The following PGAP4 variants were observed in gnomAD, a reference collection of about 807,000 sequenced individuals.
PGAP4 encodes GPI-N-acetylgalactosamine transferase PGAP4.
PGAP4 carries 12 observed loss-of-function variants against 28.2 expected under a neutral mutation model. The ratio of observed to expected loss-of-function variants is 0.42; its 90% CI spans 0.27 to 0.69. The LOEUF (loss-of-function observed/expected upper bound fraction) is 0.69, where lower values mean the gene tolerates loss of function less well. PGAP4 is among the 30% of genes least tolerant of loss of function. The probability of loss-of-function intolerance (pLI) is 0.22; values close to 1 mark genes in which losing one functional copy is unlikely to be tolerated. For missense variants in PGAP4, 425 were observed against 513.5 expected (o/e 0.83, Z 1.67); for synonymous variants, 205 against 211.8 (o/e 0.97, Z 0.28).
chr9:101,498,819 T>C (rs1397396743), intron 2 of PGAP4, among the ~76,000 whole-genome samples: 2 of 152,044 alleles, frequency 1.3e-5, no homozygotes, highest in African/African-American at 4.8e-5. Flanking sequence ...ATTGGTGTTT[T>C]AGATGGTGGT....
At position 101,473,883 on chromosome 9, in the gene PGAP4, G is replaced by C. The variant is rs1386435984; in HGVS notation, c.*1998C>G. The C allele has an allele frequency of 6.6e-6, 1 of 152,180 alleles. No individual in the cohort carries two copies. Among genetic ancestry groups the C allele is most frequent in the African/African-American group, 2.4e-5 (1 of 41,414 alleles). The allele number at this position is 152,180 out of a possible 1,614,324, so 9.4% of individuals were successfully genotyped here. On this transcript the variant is annotated 3_prime_UTR_variant, in exon 2 of 2. Coordinates refer to ENST00000374848, the MANE Select transcript of PGAP4 (RefSeq NM_032342.3). ...TGAGAGAGGAGGAATGAAGGAGTGG[G>C]ATCTGAACATTGTAATAAGTCATCT...
chr9:101,524,373 T>G (rs1038334793), intron 2 of PGAP4, among the ~76,000 whole-genome samples: 2 of 152,066 alleles, frequency 1.3e-5, no homozygotes, highest in African/African-American at 2.4e-5. Flanking sequence ...GAGGGCTATA[T>G]GGCTTGAAAA....
At chr9:101,503,052 C>T (rs1826816975) in intron 2 of PGAP4, among the ~76,000 whole-genome samples, 1 of 151,998 alleles carries the variant, frequency 6.6e-6, no homozygotes, top group African/African-American at 2.4e-5. Flanking sequence ...GATTCTAGAG[C>T]AGTGTGCCCA....
chr9:101,509,274 G>C (rs140429322), intron 2 of PGAP4, among the ~76,000 whole-genome samples: 1 of 152,252 alleles, frequency 6.6e-6, no homozygotes, highest in East Asian at 1.9e-4. Context: ...TTTGAAACAT[G>C]TCAGAAATCC....
chr9:101,495,564 A>T (rs1194809596), intron 2 of PGAP4, among the ~76,000 whole-genome samples: 2 of 146,712 alleles, frequency 1.4e-5, no homozygotes, highest in Non-Finnish European at 3.0e-5. Flanking sequence ...ACCTAGGGAA[A>T]CCTACCAAAG....
Position 101,511,208 on chromosome 9 carries a change from T to C in PGAP4, c.-165+20140A>G, listed in dbSNP as rs372839700. Reference sequence around the variant, plus strand: ...GGTAGAGCTCAAGTGGTAATACAAGTGATGGGGAGTGGCTTTAAATACAGA... The same window carrying C: ...GGTAGAGCTCAAGTGGTAATACAAGCGATGGGGAGTGGCTTTAAATACAGA... On this transcript the variant is annotated intron_variant, in intron 2 of 3. Coordinates refer to the PGAP4 transcript ENST00000374851. 2.6e-5 allele frequency among the ~76,000 whole-genome samples: 4 copies of C among 152,194 alleles called. No homozygotes were observed. The East Asian group carries it at 7.8e-4, about 30-fold the overall frequency.
chr9:101,495,087 A>G (rs1214899420), intron 2 of PGAP4, among the ~76,000 whole-genome samples: 1 of 137,148 alleles, frequency 7.3e-6, no homozygotes, highest in Non-Finnish European at 1.5e-5. Context: ...TTATTATTTG[A>G]CAATGTCTTT....
At chr9:101,498,027 G>C (rs1826766954) in intron 2 of PGAP4, among the ~76,000 whole-genome samples, 1 of 151,878 alleles carries the variant, frequency 6.6e-6, no homozygotes, top group Non-Finnish European at 1.5e-5. Flanking sequence ...CTGTTTATAT[G>C]GCTAAACCTT....
rs1004668590 is a variant in PGAP4, at chr9:101,517,812, C to G, written c.-165+13536G>C. On this transcript the variant is annotated intron_variant, in intron 2 of 3. Transcript: ENST00000374851. ...TTAAGCCAGACTCTATTTAGCTTCT[C>G]TTTTGTAAGGGTTTGGGTTGTCTTT... Among the ~76,000 whole-genome samples, 6 of 152,244 alleles carry G rather than the reference C, an allele frequency of 3.9e-5. No homozygotes were observed. The East Asian group carries it at 5.8e-4, about 15-fold the overall frequency.
rs976059404 is a variant in PGAP4 at position 101,473,467 on chromosome 9, T to C, written c.*2414A>G. 1 of 152,144 alleles carries C rather than the reference T, an allele frequency of 6.6e-6. No individual in the cohort carries two copies. The highest frequency in any genetic ancestry group is 1.5e-5 in the Non-Finnish European group (1 of 68,040). 9.4% of individuals were successfully genotyped at this position (152,144 alleles called of 1,614,324 possible). On this transcript the variant is annotated 3_prime_UTR_variant, in exon 2 of 2. Coordinates refer to ENST00000374848, the MANE Select transcript of PGAP4 (RefSeq NM_032342.3). ...CTCCTTATAAGAATAAGGGATTAAA[T>C]GGAGGAAGATCTAGAAGTGGGTGGG...
At chr9:101,500,819 T>C (rs1194936807) in intron 2 of PGAP4, among the ~76,000 whole-genome samples, 1 of 152,064 alleles carries the variant, frequency 6.6e-6, no homozygotes, top group Non-Finnish European at 1.5e-5. Flanking sequence ...CTAGATCCCC[T>C]TCTTGATAGA....
chr9:101,523,561 G>GTTT (rs74477694), intron 2 of PGAP4, among the ~76,000 whole-genome samples: 5,345 of 127,214 alleles, frequency 0.042, 125 homozygotes, highest in Non-Finnish European at 0.05. Context: ...ATTTTTCATT[G>GTTT]TTTTTTTTTC....
At chr9:101,514,508 G>T (rs536046208) in intron 2 of PGAP4, among the ~76,000 whole-genome samples, 14 of 107,984 alleles carry the variant, frequency 1.3e-4, no homozygotes, top group African/African-American at 3.6e-4. Flanking sequence ...TTGTATGTTT[G>T]CATGTGCATG....
intron 2 of PGAP4, among the ~76,000 whole-genome samples, chr9:101,514,430 G>A (rs1340319887): frequency 6.6e-6 from 1 of 152,122 alleles, no homozygotes; most frequent in African/African-American, 2.4e-5. Context: ...ATATAGTAAA[G>A]CAGAAAGAAA....
At position 101,473,866 on chromosome 9, in the gene PGAP4, G is replaced by A. The variant is rs1826222804; in HGVS notation, c.*2015C>T. 6.6e-6 allele frequency: 1 copy of A among 152,202 alleles called. No homozygotes were observed. Among genetic ancestry groups the A allele is most frequent in the Non-Finnish European group, 1.5e-5 (1 of 68,080 alleles). 9.4% of individuals were successfully genotyped at this position (152,202 alleles called of 1,614,324 possible). On this transcript the variant is annotated 3_prime_UTR_variant, in exon 2 of 2. Transcript: ENST00000374848. ...GGGGGTAGACAGGTCACTGAGAGAGGAGGAATGAAGGAGTGGGATCTGAAC... is the reference window on the plus strand; with the variant it reads ...GGGGGTAGACAGGTCACTGAGAGAGAAGGAATGAAGGAGTGGGATCTGAAC...
intron 2 of PGAP4, among the ~76,000 whole-genome samples, chr9:101,504,362 G>A (rs1826832124): frequency 6.6e-6 from 1 of 151,552 alleles, no homozygotes; most frequent in East Asian, 1.9e-4. Context: ...ATGCTGCCTG[G>A]TTCATGAGTC....
chr9:101,485,711 G>C (rs1826597734), intron 1 of PGAP4, among the ~76,000 whole-genome samples: 1 of 152,136 alleles, frequency 6.6e-6, no homozygotes, highest in African/African-American at 2.4e-5. Flanking sequence ...TGTATACATA[G>C]AGAAAATTTT....
chr9:101,479,695 G>GCTTT (rs1222425423), intron 1 of PGAP4: 3 of 152,182 alleles, frequency 2.0e-5, no homozygotes, highest in Non-Finnish European at 4.4e-5. Flanking sequence ...AGCTTTGCTG[G>GCTTT]GGTGATTAAC....
intron 2 of PGAP4, among the ~76,000 whole-genome samples, chr9:101,527,553 A>G (rs1827046150): frequency 6.6e-6 from 1 of 152,248 alleles, no homozygotes; most frequent in African/African-American, 2.4e-5. Flanking sequence ...GACAGTAGCT[A>G]CACAATTAAG....
Sources: allele counts gnomAD v4.1 joint callset (sites outside exome capture counted in the v4.1 genomes callset), GRCh38; gene constraint gnomAD v4.1.1; transcripts MANE v1.5; gene names NCBI Gene and HGNC (gene_info 2026-07-23, HGNC 2026-07-21).